The following PLEKHA8 variants were observed in gnomAD, a reference collection of about 807,000 sequenced individuals.
PLEKHA8 encodes the protein pleckstrin homology domain containing A8.
Under a neutral mutation model 68.2 loss-of-function variants are expected in PLEKHA8, and 36 were observed. The ratio of observed to expected loss-of-function variants is 0.53; its 90% CI spans 0.40 to 0.70. The LOEUF (loss-of-function observed/expected upper bound fraction) is 0.70. PLEKHA8 is among the 30% of genes least tolerant of loss of function. PLEKHA8 has a pLI of 0.00. For synonymous variants in PLEKHA8, 211 were observed against 216.1 expected (o/e 0.98, Z 0.20); for missense variants, 505 against 615.4 (o/e 0.82, Z 1.90).
intron 6 of PLEKHA8, among the ~76,000 whole-genome samples, chr7:30,051,784 G>A (rs1247037763): frequency 1.3e-5 from 2 of 152,148 alleles, no homozygotes; most frequent in Admixed American, 1.3e-4. Flanking sequence ...GACCAGCCTG[G>A]CCAACCTGGT....
At chr7:30,091,867 G>A (rs1011959057), downstream of PLEKHA8, among the ~76,000 whole-genome samples, 2 of 152,224 alleles carry the variant, frequency 1.3e-5, no homozygotes, top group Admixed American at 1.3e-4. Context: ...GGGCCATAGA[G>A]CATTAGTTCA....
intron 13 of PLEKHA8, among the ~76,000 whole-genome samples, chr7:30,100,005 C>G (rs1344503908): frequency 6.6e-6 from 1 of 152,158 alleles, no homozygotes; most frequent in African/African-American, 2.4e-5. Flanking sequence ...CCTTCCTTAC[C>G]TCTTCCTAGC....
chr7:30,056,742 A>AT (rs749308104), intron 9 of PLEKHA8, among the ~76,000 whole-genome samples: 6 of 74,784 alleles, frequency 8.0e-5, no homozygotes, highest in Non-Finnish European at 1.2e-4. Context: ...AAAAAAAAAA[A>AT]GTGTGTGTGT....
At chr7:30,119,222 T>C (rs897871631) in intron 13 of PLEKHA8, among the ~76,000 whole-genome samples, 7 of 152,240 alleles carry the variant, frequency 4.6e-5, no homozygotes, top group African/African-American at 7.2e-5. Context: ...GTAATATTCC[T>C]AATTTTAAGT....
At chr7:30,115,864 A>T (rs1034090721) in intron 13 of PLEKHA8, 1 of 150,854 alleles carries the variant, frequency 6.6e-6, no homozygotes, top group South Asian at 2.1e-4. Context: ...ACATACGTGC[A>T]CATACATGTA....
chr7:30,065,809 A>C (rs955835722), intron 12 of PLEKHA8, among the ~76,000 whole-genome samples: 1 of 152,220 alleles, frequency 6.6e-6, no homozygotes, highest in African/African-American at 2.4e-5. Context: ...CTGAGGTTTA[A>C]AGAGGATAAA....
At chr7:30,054,947 G>A (rs1792719040) in intron 8 of PLEKHA8, 82 bp downstream of exon 8, 2 of 1,334,538 alleles carry the variant, frequency 1.5e-6, no homozygotes, top group Non-Finnish European at 2.1e-6. Flanking sequence ...CCTTTCAGGT[G>A]ATGGCATATT....
chr7:30,036,451 G>GATAGATAGATAGATAGATAC (rs1562851713), intron 1 of PLEKHA8, among the ~76,000 whole-genome samples: 1 of 150,292 alleles, frequency 6.7e-6, no homozygotes, highest in Non-Finnish European at 1.5e-5. Context: ...TAGATAGATA[G>GATAGATAGATAGATAGATAC]ATAGATAGAT....
Position 30,082,203 on chromosome 7 carries a change from C to T in PLEKHA8, c.*3416C>T, listed in dbSNP as rs1408918308. 1.0e-6 allele frequency: 1 copy of T among 985,360 alleles called. No individual in the cohort carries two copies. Among genetic ancestry groups the T allele is most frequent in the East Asian group, 1.1e-4 (1 of 8,820 alleles). The allele number at this position is 985,360 out of a possible 1,614,324, so 61.0% of individuals were successfully genotyped here. ...GCATGTTATTCTGATTATTAAACTTCCCCCAATGTCATATTCCATGATGAG... is the reference window on the plus strand; with the variant it reads ...GCATGTTATTCTGATTATTAAACTTTCCCCAATGTCATATTCCATGATGAG... On this transcript the variant is annotated 3_prime_UTR_variant, in exon 14 of 14. Coordinates refer to ENST00000449726, the MANE Select transcript of PLEKHA8 (RefSeq NM_001197026.2).
chr7:30,128,091 A>ATT (rs35173428), intron 13 of PLEKHA8, among the ~76,000 whole-genome samples: 88 of 122,674 alleles, frequency 7.2e-4, no homozygotes, highest in South Asian at 1.0e-3. Flanking sequence ...GTTTTACTGT[A>ATT]TTTTTTTTTT....
At chr7:30,103,565 GT>G (rs1795945704) in intron 13 of PLEKHA8, among the ~76,000 whole-genome samples, 2 of 152,220 alleles carry the variant, frequency 1.3e-5, no homozygotes, top group Admixed American at 1.3e-4. Context: ...AAGATGGTAT[GT>G]ATTGGTGTAA....
At position 30,046,226 on chromosome 7, in the gene PLEKHA8, T is replaced by TA; in HGVS notation, c.175dup (p.Thr59AsnfsTer22). On this transcript the variant is annotated frameshift_variant, in exon 3 of 14. Coordinates refer to ENST00000449726, the MANE Select transcript of PLEKHA8 (RefSeq NM_001197026.2). LOFTEE classifies it high-confidence loss of function. ...TGCTCCCAGTTCATTCTGTAGATAA[T>TA]ACACGCATGGACCTGATAATCCCTG... 6.2e-7 allele frequency: 1 copy of TA among 1,609,622 alleles called. No individual in the cohort carries two copies. Among genetic ancestry groups the TA allele is most frequent in the Non-Finnish European group, 8.5e-7 (1 of 1,177,706 alleles).
chr7:30,123,770 G>A (rs1003523054), intron 13 of PLEKHA8, among the ~76,000 whole-genome samples: 21 of 152,184 alleles, frequency 1.4e-4, no homozygotes, highest in Admixed American at 1.3e-3. Context: ...GAGAGAGATA[G>A]ATGTCCGATA....
chr7:30,127,546 A>G (rs1269203789), intron 13 of PLEKHA8, among the ~76,000 whole-genome samples: 1 of 152,244 alleles, frequency 6.6e-6, no homozygotes, highest in Non-Finnish European at 1.5e-5. Flanking sequence ...TGATCACGAA[A>G]GGAAAGCAGA....
chr7:30,080,429 A>C lies in PLEKHA8; in HGVS notation c.*1642A>C. 1 of 985,270 alleles carries C rather than the reference A, an allele frequency of 1.0e-6. No individual in the cohort carries two copies. Among genetic ancestry groups the C allele is most frequent in the Non-Finnish European group, 1.2e-6 (1 of 829,888 alleles). 61.0% of individuals were successfully genotyped at this position (985,270 alleles called of 1,614,324 possible). On this transcript the variant is annotated 3_prime_UTR_variant, in exon 14 of 14. Coordinates refer to ENST00000449726, the MANE Select transcript of PLEKHA8 (RefSeq NM_001197026.2). ...AAGGTCCTTTGAGGGGCTTGGTTGA[A>C]TTGAGAGCATCATCTCTAGATGATG... is the stretch of plus-strand genomic sequence containing the variant.
chr7:30,080,274 C>T lies in PLEKHA8; in HGVS notation c.*1487C>T, dbSNP rs1003509611. The T allele has an allele frequency of 4.1e-6, 4 of 985,222 alleles. No individual in the cohort carries two copies. In the African/African-American group the frequency reaches 7.0e-5, roughly 17 times the overall value. The allele number at this position is 985,222 out of a possible 1,614,324, so 61.0% of individuals were successfully genotyped here. The stretch of plus-strand genomic sequence containing the variant: ...CACAGTGTGATGCTCCAACCCTGGC[C>T]CTAGTCTCAGTAGACCATGCTGCCT... On this transcript the variant is annotated 3_prime_UTR_variant, in exon 14 of 14. Coordinates refer to ENST00000449726, the MANE Select transcript of PLEKHA8 (RefSeq NM_001197026.2).
chr7:30,117,306 A>C (rs1796599355), intron 13 of PLEKHA8, among the ~76,000 whole-genome samples: 1 of 152,224 alleles, frequency 6.6e-6, no homozygotes, highest in Non-Finnish European at 1.5e-5. Context: ...GTCTTGGCCA[A>C]ATGAATTTGA....
intron 13 of PLEKHA8, among the ~76,000 whole-genome samples, chr7:30,100,937 C>T (rs1795828570): frequency 1.3e-5 from 2 of 152,104 alleles, no homozygotes; most frequent in African/African-American, 4.8e-5. Flanking sequence ...TGCCTGTAAT[C>T]CAAACACTTT....
At chr7:30,105,717 A>G (rs1796030194) in intron 13 of PLEKHA8, among the ~76,000 whole-genome samples, 1 of 152,230 alleles carries the variant, frequency 6.6e-6, no homozygotes, top group East Asian at 1.9e-4. Flanking sequence ...AGCATTTCAT[A>G]AGTTTACCGG....
Sources: allele counts gnomAD v4.1 joint callset (sites outside exome capture counted in the v4.1 genomes callset), GRCh38; gene constraint gnomAD v4.1.1; transcripts MANE v1.5; gene names NCBI Gene and HGNC (gene_info 2026-07-23, HGNC 2026-07-21).